INTS7: variants seen among roughly 807,000 people sequenced by gnomAD.
The protein encoded by INTS7 is integrator complex subunit 7.
Under a neutral mutation model 109.2 loss-of-function variants are expected in INTS7, and 46 were observed. The ratio of observed to expected loss-of-function variants is 0.42; its 90% confidence interval spans 0.33 to 0.54. INTS7 has a LOEUF of 0.54. Ranked by LOEUF, INTS7 falls within the 20% of genes least tolerant of loss-of-function variation. The pLI is 0.07. For synonymous variants in INTS7, 412 were observed against 402.9 expected (o/e 1.02, Z -0.27); for missense variants, 929 against 1,132.4 (o/e 0.82, Z 2.58).
intron 7 of INTS7, among the ~76,000 whole-genome samples, chr1:211,994,928 T>C (rs757104325): frequency 3.8e-4 from 58 of 152,010 alleles, no homozygotes; most frequent in Non-Finnish European, 3.1e-4. Context: ...TTAATGTGGT[T>C]GTAAAGCTCA....
intron 13 of INTS7, among the ~76,000 whole-genome samples, chr1:211,970,015 G>A (rs1664101462): frequency 6.6e-6 from 1 of 152,124 alleles, no homozygotes; most frequent in Admixed American, 6.6e-5. Flanking sequence ...ACCGCGCCTG[G>A]CTGTGCCCAG....
chr1:211,984,847 G>C (rs1664823813), intron 8 of INTS7, among the ~76,000 whole-genome samples: 1 of 152,010 alleles, frequency 6.6e-6, no homozygotes, highest in Admixed American at 6.5e-5. Context: ...GTATCATGGA[G>C]ACTGCTCCGT....
intron 7 of INTS7, among the ~76,000 whole-genome samples, chr1:211,995,543 A>AT (rs1370960696): frequency 1.1e-4 from 17 of 152,254 alleles, no homozygotes; most frequent in African/African-American, 4.1e-4. Flanking sequence ...AACAAAATGA[A>AT]TGAGGCCAAG....
rs1276318219 is a variant in INTS7, at chr1:211,959,130, G to T, written c.2184-6429C>A. Among the ~76,000 whole-genome samples, 2 of 152,234 alleles carry T rather than the reference G, an allele frequency of 1.3e-5. No homozygotes were observed. Among genetic ancestry groups the T allele is most frequent in the Non-Finnish European group, 2.9e-5 (2 of 68,034 alleles). ...GAGTTGGCACAGAGGGCTGCTTAGA[G>T]AAGTGTTAGGGGCCGTATTCTAGCC... is the stretch of plus-strand genomic sequence containing the variant. On this transcript the variant is annotated intron_variant, in intron 16 of 19. Transcript: ENST00000366994. This position sits in a 1 kb window ranked among gnomAD's most constrained non-coding sequence, Gnocchi z 4.2.
intron 13 of INTS7, among the ~76,000 whole-genome samples, chr1:211,970,995 G>A (rs576702007): frequency 1.3e-4 from 20 of 152,292 alleles, no homozygotes; most frequent in African/African-American, 4.8e-4. Context: ...CAGTAGCAAT[G>A]CTTCCCAACT....
intron 8 of INTS7, 68 bp downstream of exon 8, chr1:211,987,818 C>T: frequency 1.2e-6 from 1 of 861,096 alleles, no homozygotes; most frequent in Non-Finnish European, 1.8e-6. Context: ...GAAGAAACAA[C>T]CTGAAACATA....
chr1:212,021,766 T>G (rs3009983), intron 1 of INTS7, among the ~76,000 whole-genome samples: 5,786 of 151,966 alleles, frequency 0.038, 142 homozygotes, highest in African/African-American at 0.055. Flanking sequence ...ACGAATCACT[T>G]GAGCCTGGGA....
intron 7 of INTS7, among the ~76,000 whole-genome samples, chr1:212,000,865 T>C (rs67798736): frequency 0.025 from 3,864 of 152,282 alleles, 72 homozygotes; most frequent in Non-Finnish European, 0.036. Context: ...CTATGTGAAC[T>C]AGAGAAAGCC....
At chr1:211,969,891 TG>T (rs1199280153) in intron 13 of INTS7, among the ~76,000 whole-genome samples, 1 of 152,030 alleles carries the variant, frequency 6.6e-6, no homozygotes, top group Non-Finnish European at 1.5e-5. Context: ...GCTAATTTTT[TG>T]TATTTTTAGT....
intron 1 of INTS7, among the ~76,000 whole-genome samples, chr1:212,029,944 G>T (rs1294300584): frequency 1.3e-5 from 2 of 152,154 alleles, no homozygotes; most frequent in African/African-American, 4.8e-5. Flanking sequence ...AACTAATGAT[G>T]CATTAATAAG....
intron 1 of INTS7, chr1:212,025,656 C>A: frequency 5.0e-6 from 1 of 198,626 alleles, no homozygotes; most frequent in Non-Finnish European, 1.1e-5. Flanking sequence ...GAAAACTCCT[C>A]TCTGGATCCT....
intron 1 of INTS7, among the ~76,000 whole-genome samples, chr1:212,034,959 A>G (rs2102514926): frequency 6.6e-6 from 1 of 152,300 alleles, no homozygotes; most frequent in Middle Eastern, 3.4e-3. Context: ...TCGGTGCAAG[A>G]TTACTATTCA....
intron 13 of INTS7, among the ~76,000 whole-genome samples, chr1:211,970,010 G>A (rs933262072): frequency 6.6e-6 from 1 of 152,042 alleles, no homozygotes; most frequent in Non-Finnish European, 1.5e-5. Flanking sequence ...GAGCCACCGC[G>A]CCTGGCTGTG....
chr1:211,952,441 AC>A, intron 17 of INTS7, 127 bp downstream of exon 17: 1 of 881,882 alleles, frequency 1.1e-6, no homozygotes, highest in Non-Finnish European at 1.8e-6. Context: ...GTAGGTATTA[AC>A]CCTGTTTTAT....
At chr1:212,002,282 AT>A (rs1437281300) in intron 7 of INTS7, among the ~76,000 whole-genome samples, 1 of 152,174 alleles carries the variant, frequency 6.6e-6, no homozygotes, top group African/African-American at 2.4e-5. Flanking sequence ...TAATTCGATT[AT>A]TTGTAACTGC....
intron 12 of INTS7, among the ~76,000 whole-genome samples, 182 bp from the exon 13 acceptor site, chr1:211,975,554 C>T (rs572476386): frequency 1.3e-5 from 2 of 152,250 alleles, no homozygotes; most frequent in East Asian, 1.9e-4. Context: ...AGAAAATATG[C>T]TGAGTTGCTT....
rs1227541388 is a variant in INTS7, at chr1:211,946,457, C to CA, written c.2415+149dup. ...CACCACTGTACTCCAGCCCAGGCGA[C>CA]AGGGCGAGACTCTGTCTCAAAAAAC... is the stretch of plus-strand genomic sequence containing the variant. On this transcript the variant is annotated intron_variant, in intron 18 of 19. Transcript: ENST00000366994. This position sits in a 1 kb window ranked among gnomAD's most constrained non-coding sequence, Gnocchi z 4.3. 2.0e-6 allele frequency: 1 copy of CA among 493,838 alleles called. No homozygotes were observed. The highest frequency in any genetic ancestry group is 3.7e-5 in the Admixed American group (1 of 26,834). The allele number at this position is 493,838 out of a possible 1,614,324, so 30.6% of individuals were successfully genotyped here.
chr1:211,982,599 T>TAA (rs201863806), intron 9 of INTS7, 77 bp downstream of exon 9: 2 of 1,169,668 alleles, frequency 1.7e-6, no homozygotes, highest in African/African-American at 1.6e-5. Flanking sequence ...AATAAGGGAT[T>TAA]AAAAAAAAAT....
At chr1:211,982,915 T>C (rs750090562) in intron 8 of INTS7, 105 bp from the exon 9 acceptor site, 94 of 803,612 alleles carry the variant, frequency 1.2e-4, no homozygotes, top group Non-Finnish European at 1.7e-4. Context: ...TCTCTAACAA[T>C]AAACTTCAAC....
Sources: allele counts gnomAD v4.1 joint callset (sites outside exome capture counted in the v4.1 genomes callset), GRCh38; gene constraint gnomAD v4.1.1; non-coding constraint Gnocchi (gnomAD v3.1); transcripts MANE v1.5; gene names NCBI Gene and HGNC (gene_info 2026-07-23, HGNC 2026-07-21).